Variants in FGF13 observed in about 807,000 individuals in gnomAD.
FGF13 encodes the protein fibroblast growth factor 13, also known as fibroblast growth factor homologous factor 2.
A neutral mutation model predicts 19.5 loss-of-function variants in FGF13; 2 were observed. The observed-to-expected ratio is 0.10, with a 90% CI of 0.04 to 0.32. The LOEUF (loss-of-function observed/expected upper bound fraction) is 0.32, where lower values mean the gene tolerates loss of function less well. FGF13 is among the 10% of genes least tolerant of loss of function. FGF13 has a pLI of 1.00. For synonymous variants in FGF13, 72 were observed against 76.9 expected, an observed-to-expected ratio of 0.94 and a Z score of 0.33; for missense variants, 113 against 192.7, an observed-to-expected ratio of 0.59 and a Z score of 2.45.
intron 3 of FGF13, among the ~76,000 whole-genome samples, chrX:138,750,885 A>T (rs2090393388): frequency 9.0e-6 from 1 of 111,065 alleles, no homozygotes; most frequent in African/African-American, 3.3e-5. Context: ...AAGGCTGAGG[A>T]TGAAACCATG....
At chrX:138,803,859 G>T (rs1001210012) in intron 3 of FGF13, among the ~76,000 whole-genome samples, 1 of 112,321 alleles carries the variant, frequency 8.9e-6, no homozygotes, top group Non-Finnish European at 1.9e-5. Flanking sequence ...CAACAGCACA[G>T]TTTTCACAAA....
At chrX:139,071,164 T>C (rs1249803717) in intron 1 of FGF13, among the ~76,000 whole-genome samples, 2 of 111,950 alleles carry the variant, frequency 1.8e-5, no homozygotes, top group Non-Finnish European at 3.8e-5. Context: ...TGAGAATCTT[T>C]ATCTTTAAAC....
At chrX:139,089,164 G>T (rs1196716527) in intron 1 of FGF13, among the ~76,000 whole-genome samples, 2 of 112,137 alleles carry the variant, frequency 1.8e-5, no homozygotes, top group African/African-American at 6.5e-5. Context: ...ACGCATGTGT[G>T]TTGGAGAGAA....
At chrX:138,883,225 T>A (rs6654171) in intron 1 of FGF13, among the ~76,000 whole-genome samples, 11,451 of 111,656 alleles carry the variant, frequency 0.1, 1,438 homozygotes, top group African/African-American at 0.35. Flanking sequence ...TCTCTATTCC[T>A]GAGATTGCAG....
intron 3 of FGF13, among the ~76,000 whole-genome samples, chrX:138,778,674 G>A (rs1426752040): frequency 8.9e-6 from 1 of 111,989 alleles, no homozygotes. Context: ...CTAGGCCCAC[G>A]GAGTCTCGCT....
downstream of FGF13, among the ~76,000 whole-genome samples, chrX:138,856,332 T>C (rs1437123776): frequency 1.8e-5 from 2 of 111,706 alleles, no homozygotes; most frequent in African/African-American, 6.5e-5. Flanking sequence ...TCTTAAACTC[T>C]ATTTGGAAAG....
chrX:138,813,079 T>G (rs1221657980), intron 3 of FGF13, among the ~76,000 whole-genome samples: 1 of 112,326 alleles, frequency 8.9e-6, no homozygotes, highest in Non-Finnish European at 1.9e-5. Context: ...GTGCCACATT[T>G]TCTTAATCCA....
At chrX:138,779,981 C>T (rs1213267044) in intron 3 of FGF13, among the ~76,000 whole-genome samples, 1 of 102,735 alleles carries the variant, frequency 9.7e-6, no homozygotes, top group South Asian at 5.1e-4. Flanking sequence ...AGAAACCCTA[C>T]AAGCCAGAAG....
At chrX:138,962,097 T>A (rs1313690303) in intron 1 of FGF13, among the ~76,000 whole-genome samples, 2 of 111,849 alleles carry the variant, frequency 1.8e-5, no homozygotes, top group East Asian at 5.6e-4. Flanking sequence ...TCTACCCATT[T>A]GAAAAAGGGT....
chrX:139,053,547 CTTCTT>C (rs1443653616), intron 1 of FGF13, among the ~76,000 whole-genome samples: 1 of 109,285 alleles, frequency 9.2e-6, no homozygotes, highest in Non-Finnish European at 1.9e-5. Context: ...ATTTGTATAT[CTTCTT>C]TTAAGAACTG....
chrX:139,196,501 G>A (rs1235402931), intron 1 of FGF13, among the ~76,000 whole-genome samples: 1 of 112,169 alleles, frequency 8.9e-6, no homozygotes, highest in Non-Finnish European at 1.9e-5. Context: ...TTCAGATTTT[G>A]TTTAACTGAA....
At chrX:138,810,394 T>C (rs1220584220) in intron 3 of FGF13, among the ~76,000 whole-genome samples, 4 of 111,400 alleles carry the variant, frequency 3.6e-5, no homozygotes, top group African/African-American at 9.8e-5. Context: ...TAGCCATATG[T>C]AGAAAGCTGA....
chrX:139,112,263 G>A, intron 1 of FGF13, among the ~76,000 whole-genome samples: 2 of 111,217 alleles, frequency 1.8e-5, no homozygotes, highest in Middle Eastern at 9.2e-3. Flanking sequence ...TTACTTCACA[G>A]GGCTGCTGTG....
At chrX:138,815,974 A>G (rs773018608) in intron 3 of FGF13, among the ~76,000 whole-genome samples, 7 of 110,632 alleles carry the variant, frequency 6.3e-5, no homozygotes, top group Non-Finnish European at 1.1e-4. Flanking sequence ...CTACATAGCA[A>G]CAACCAAAAA....
At chrX:139,159,655 C>CAAAAAAAAAAAAAAAAAAAAAAAA (rs550001786) in intron 1 of FGF13, among the ~76,000 whole-genome samples, 20 of 51,620 alleles carry the variant, frequency 3.9e-4, no homozygotes, top group African/African-American at 7.5e-4. Context: ...AAAGAGAAAG[C>CAAAAAAAAAAAAAAAAAAAAAAAA]AAAAAAAAAA....
chrX:139,067,756 C>G (rs1473793007), intron 1 of FGF13, among the ~76,000 whole-genome samples: 1 of 112,401 alleles, frequency 8.9e-6, no homozygotes, highest in African/African-American at 3.2e-5. Context: ...CTACCATTGA[C>G]TTTCTTCACA....
chrX:138,794,507 C>A (rs1420475718), intron 3 of FGF13, among the ~76,000 whole-genome samples: 1 of 111,639 alleles, frequency 9.0e-6, no homozygotes, highest in East Asian at 2.8e-4. Flanking sequence ...TGATTCAGCT[C>A]ATCTGTTTCA....
At chrX:139,065,088 T>C (rs954330458) in intron 1 of FGF13, among the ~76,000 whole-genome samples, 1 of 110,586 alleles carries the variant, frequency 9.0e-6, no homozygotes, top group Non-Finnish European at 1.9e-5. Flanking sequence ...TTTTTCAAGG[T>C]TGTTAGCTTC....
At chrX:138,785,665 C>T (rs1425878240) in intron 3 of FGF13, among the ~76,000 whole-genome samples, 1 of 112,080 alleles carries the variant, frequency 8.9e-6, no homozygotes, top group Non-Finnish European at 1.9e-5. Context: ...TATTTCTATG[C>T]CACTGGTCTT....
Sources: gnomAD v4.1 joint callset for allele counts (sites outside exome capture counted in the v4.1 genomes callset) on GRCh38, gnomAD v4.1.1 for gene constraint, MANE v1.5 for transcripts, NCBI Gene and HGNC (gene_info 2026-07-23, HGNC 2026-07-21) for gene names.